The following KMT2E variants were observed in gnomAD, a reference collection of about 807,000 sequenced individuals.
The protein encoded by KMT2E is histone reader KMT2E.
Under a neutral mutation model 184.6 loss-of-function variants are expected in KMT2E, and 30 were observed. That is an observed-to-expected ratio of 0.16 (90% CI 0.12 to 0.22). The LOEUF (loss-of-function observed/expected upper bound fraction) is 0.22. Ranked by LOEUF, KMT2E falls within the 10% of genes least tolerant of loss-of-function variation. The pLI is 1.00. For missense variants in KMT2E, 2,023 were observed against 2,237.4 expected (o/e 0.90, Z 1.93); for synonymous variants, 815 against 776.5 (o/e 1.05, Z -0.82).
intron 13 of KMT2E, among the ~76,000 whole-genome samples, chr7:105,083,991 AT>A (rs1797863594): frequency 1.3e-5 from 2 of 152,304 alleles, no homozygotes; most frequent in South Asian, 4.1e-4. Context: ...ATTAGGATCT[AT>A]AGCTATGTCT....
At chr7:105,018,095 G>A (rs1794793140) in intron 1 of KMT2E, among the ~76,000 whole-genome samples, 1 of 152,088 alleles carries the variant, frequency 6.6e-6, no homozygotes, top group Non-Finnish European at 1.5e-5. Context: ...TTCTTAAATT[G>A]GCTTCTTAAT....
At chr7:105,031,851 C>T (rs1392266781) in intron 1 of KMT2E, among the ~76,000 whole-genome samples, 1 of 151,730 alleles carries the variant, frequency 6.6e-6, no homozygotes, top group African/African-American at 2.4e-5. Flanking sequence ...GGGTGGATCA[C>T]TGGAGGTCAG....
At chr7:105,064,948 A>T (rs1404580932) in intron 5 of KMT2E, among the ~76,000 whole-genome samples, 1 of 152,116 alleles carries the variant, frequency 6.6e-6, no homozygotes, top group East Asian at 1.9e-4. Flanking sequence ...TTTTGATATA[A>T]CGGCGATGGT....
rs563437410 is a variant in KMT2E, at chr7:105,020,566, C to T, written c.-189+6031C>T. Among the ~76,000 whole-genome samples, 34 of 152,228 alleles carry T rather than the reference C, an allele frequency of 2.2e-4. No individual in the cohort carries two copies. In the South Asian group the frequency reaches 6.4e-3, roughly 29 times the overall value. ...TGCCAGTGCACTTCAGCCTGGGCAACGAGCGAAACTGCATCTCTAAAAAAA... is the reference window on the plus strand; with the variant it reads ...TGCCAGTGCACTTCAGCCTGGGCAATGAGCGAAACTGCATCTCTAAAAAAA... On this transcript the variant is annotated intron_variant, in intron 1 of 26. Transcript: ENST00000311117.
At position 105,112,364 on chromosome 7, in the gene KMT2E, A is replaced by C; in HGVS notation, c.4608A>C (p.Gln1536His). The change falls in exon 27 of 27, where the codon CAA becomes CAC. Residue 1536 changes from glutamine to histidine, a missense_variant. Gln to His is a conservative substitution (Grantham distance 24). Transcript: ENST00000311117. ...CAGCAACATACAGTCAGTTTAACCA[A>C]CAAAGTCTGAACAGCACGGCACCAC... ...QSSATYSQFNQQSLNSTAPPP... is the reference protein window; with the variant it reads ...QSSATYSQFNHQSLNSTAPPP... 6.2e-7 allele frequency: 1 copy of C among 1,613,146 alleles called. No homozygotes were observed. The highest frequency in any genetic ancestry group is 2.2e-5 in the East Asian group (1 of 44,882).
At chr7:105,064,164 GTTTTTTTTTTTTTTTTTT>G (rs66946883) in intron 5 of KMT2E, 3 of 76,152 alleles carry the variant, frequency 3.9e-5, no homozygotes, top group Admixed American at 2.5e-4. Flanking sequence ...TTTTTTCTTG[GTTTTTTTTTTTTTTTTTT>G]TTTTTTTTTT....
intron 6 of KMT2E, among the ~76,000 whole-genome samples, chr7:105,069,815 A>G (rs1002078642): frequency 1.3e-5 from 2 of 152,144 alleles, no homozygotes; most frequent in African/African-American, 4.8e-5. Flanking sequence ...CTTTATAGTC[A>G]TACCCACCTT....
chr7:105,082,548 G>A (rs997484541), intron 13 of KMT2E, among the ~76,000 whole-genome samples: 9 of 152,072 alleles, frequency 5.9e-5, no homozygotes, highest in African/African-American at 1.7e-4. Flanking sequence ...GTGGATTATC[G>A]TAAAGGTCTT....
chr7:105,055,630 A>G (rs1337314000), intron 3 of KMT2E, among the ~76,000 whole-genome samples: 1 of 152,222 alleles, frequency 6.6e-6, no homozygotes, highest in African/African-American at 2.4e-5. Flanking sequence ...ATCTTGCACT[A>G]CAGGTAATTG....
chr7:105,054,877 T>A (rs1213562123), intron 3 of KMT2E, among the ~76,000 whole-genome samples: 1 of 152,200 alleles, frequency 6.6e-6, no homozygotes, highest in Non-Finnish European at 1.5e-5. Context: ...GGACTCTGGA[T>A]GCCATGCAGT....
At chr7:105,110,675 G>C (rs1226552770) in intron 25 of KMT2E, 73 bp downstream of exon 25, 14 of 1,603,642 alleles carry the variant, frequency 8.7e-6, no homozygotes, top group Non-Finnish European at 1.1e-5. Context: ...TTTATAAAAA[G>C]TTGGTTTGGA....
At chr7:105,081,485 G>T (rs927570750) in intron 12 of KMT2E, among the ~76,000 whole-genome samples, 1 of 151,690 alleles carries the variant, frequency 6.6e-6, no homozygotes, top group Non-Finnish European at 1.5e-5. Context: ...AGGGGTTGGG[G>T]TGGCAGTGGA....
intron 14 of KMT2E, 101 bp from the exon 15 acceptor site, chr7:105,091,115 T>A (rs950684040): frequency 6.7e-6 from 4 of 593,312 alleles, no homozygotes; most frequent in Non-Finnish European, 1.2e-5. Context: ...GCTGTGTACA[T>A]GTTGAATTTG....
At chr7:105,076,233 G>A (rs1204424408) in intron 9 of KMT2E, 152 bp downstream of exon 9, 2 of 574,556 alleles carry the variant, frequency 3.5e-6, no homozygotes, top group South Asian at 2.5e-5. Context: ...AGTTCTAATT[G>A]GAGTAATATA....
intron 3 of KMT2E, among the ~76,000 whole-genome samples, chr7:105,046,802 A>G (rs961391474): frequency 7.2e-5 from 11 of 152,204 alleles, no homozygotes; most frequent in Non-Finnish European, 1.5e-4. Flanking sequence ...TAAATGTAAT[A>G]TATTCTGAGA....
chr7:105,071,109 ATTTCT>A (rs1797266933), intron 6 of KMT2E, among the ~76,000 whole-genome samples: 1 of 152,098 alleles, frequency 6.6e-6, no homozygotes, highest in Admixed American at 6.6e-5. Flanking sequence ...GAGTCTTCAC[ATTTCT>A]TTTCTCTTAA....
chr7:105,072,730 A>G (rs1481819438), intron 6 of KMT2E, among the ~76,000 whole-genome samples: 8 of 152,060 alleles, frequency 5.3e-5, no homozygotes, highest in Admixed American at 1.3e-4. Context: ...AGCCTGACCA[A>G]CATGGAGAAA....
chr7:105,014,228 G>C lies in KMT2E; in HGVS notation c.-496G>C. Reference sequence around the variant, plus strand: ...CCAGAGCGAGAGGCAGTGACACTGAGCGGGCGCAGGGGGCCGAGTCGGAGA... The same window carrying C: ...CCAGAGCGAGAGGCAGTGACACTGACCGGGCGCAGGGGGCCGAGTCGGAGA... On this transcript the variant is annotated 5_prime_UTR_variant, in exon 1 of 27. Coordinates refer to ENST00000311117, the MANE Select transcript of KMT2E (RefSeq NM_182931.3). The C allele has an allele frequency of 5.2e-6, 1 of 194,014 alleles. No individual in the cohort carries two copies. Among genetic ancestry groups the C allele is most frequent in the Non-Finnish European group, 1.0e-5 (1 of 99,238 alleles). 12.0% of individuals were successfully genotyped at this position (194,014 alleles called of 1,614,324 possible). A position where few individuals can be genotyped will look rare whatever the true frequency, so the allele number is the denominator to read the frequency against.
intron 13 of KMT2E, among the ~76,000 whole-genome samples, chr7:105,087,061 A>G (rs1323808848): frequency 6.8e-6 from 1 of 147,270 alleles, no homozygotes; most frequent in Non-Finnish European, 1.5e-5. Flanking sequence ...TATAGCATAT[A>G]TAATATATAA....
Sources: gnomAD v4.1 joint callset for allele counts (sites outside exome capture counted in the v4.1 genomes callset) on GRCh38, gnomAD v4.1.1 for gene constraint, MANE v1.5 for transcripts, NCBI Gene and HGNC (gene_info 2026-07-23, HGNC 2026-07-21) for gene names.